The following ADAMTS15 variants were observed in gnomAD, a reference collection of about 807,000 sequenced individuals.
The protein encoded by ADAMTS15 is ADAM metallopeptidase with thrombospondin type 1 motif 15.
A neutral mutation model predicts 79.1 loss-of-function variants in ADAMTS15; 35 were observed. The ratio of observed to expected loss-of-function variants is 0.44; its 90% CI spans 0.34 to 0.59. The LOEUF is 0.59. Ranked by LOEUF, ADAMTS15 falls within the 20% of genes least tolerant of loss-of-function variation. ADAMTS15 has a pLI of 0.02. For missense variants in ADAMTS15, 1,324 were observed against 1,318.7 expected, an observed-to-expected ratio of 1.00 and a Z score of -0.06; for synonymous variants, 616 against 567.3, an observed-to-expected ratio of 1.09 and a Z score of -1.22.
intron 5 of ADAMTS15, among the ~76,000 whole-genome samples, chr11:130,470,151 T>TATACAC (rs1565397596): frequency 3.7e-4 from 21 of 56,320 alleles, no homozygotes; most frequent in African/African-American, 1.1e-3. Context: ...TATATATATA[T>TATACAC]GTGTATATAT....
chr11:130,463,762 GT>G (rs1938250432), intron 4 of ADAMTS15, among the ~76,000 whole-genome samples: 1 of 152,174 alleles, frequency 6.6e-6, no homozygotes, highest in Non-Finnish European at 1.5e-5. Context: ...AGATACTGTG[GT>G]GGTCAGAAAA....
At chr11:130,452,176 C>T (rs1330272795) in intron 1 of ADAMTS15, among the ~76,000 whole-genome samples, 1 of 152,166 alleles carries the variant, frequency 6.6e-6, no homozygotes. Context: ...GGAGTAGCTG[C>T]CCTTTCTAAG....
chr11:130,471,003 G>T lies in ADAMTS15; in HGVS notation c.1804G>T (p.Ala602Ser). Residue 602 changes from alanine to serine, a missense_variant, in exon 6 of 8, where the codon GCA (alanine) becomes TCA (serine). Physicochemically the swap from Ala to Ser is moderately conservative, Grantham distance 99. Coordinates refer to ENST00000299164, the MANE Select transcript of ADAMTS15 (RefSeq NM_139055.4). ...HSTNRLTLAV[A>S]WVPKYSGVSP... Reference sequence around the variant, plus strand: ...CACCAACCGGCTCACTCTCGCCGTGGCATGGGTGCCCAAGTACTCCGGCGT... The same window carrying T: ...CACCAACCGGCTCACTCTCGCCGTGTCATGGGTGCCCAAGTACTCCGGCGT... The T allele has an allele frequency of 6.2e-7, 1 of 1,613,844 alleles. No individual in the cohort carries two copies. The highest frequency in any genetic ancestry group is 8.5e-7 in the Non-Finnish European group (1 of 1,180,040).
In ADAMTS15 at chr11:130,471,237, C is replaced by G. The variant is rs1361467571; in HGVS notation, c.1932C>G (p.Asp644Glu). 1.2e-6 allele frequency: 2 copies of G among 1,608,256 alleles called. No homozygotes were observed. The highest frequency in any genetic ancestry group is 1.7e-5 in the Admixed American group (1 of 58,454). The change falls in exon 7 of 8, where the codon GAC becomes GAG. Residue 644 changes from aspartate (D) to glutamate (E), a missense_variant. Coordinates refer to ENST00000299164, the MANE Select transcript of ADAMTS15 (RefSeq NM_139055.4). ...KVVDGTLCSP[D>E]STSVCVQGKC... ...TGGACGGCACGCTGTGCTCTCCTGA[C>G]TCCACCTCCGTCTGTGTCCAAGGCA... is the stretch of plus-strand genomic sequence containing the variant.
At position 130,449,206 on chromosome 11, in the gene ADAMTS15, C is replaced by G; in HGVS notation, c.233C>G (p.Ala78Gly). The change falls in exon 1 of 8, where the codon GCC (alanine) becomes GGC (glycine). Residue 78 changes from alanine (A) to glycine (G), a missense_variant. Coordinates refer to ENST00000299164, the MANE Select transcript of ADAMTS15 (RefSeq NM_139055.4). This position sits in a 1 kb window ranked among gnomAD's most constrained non-coding sequence, Gnocchi z 7.8. ...CCGGATGCTCAGTTCTTGGCTCCCG[C>G]CTTCTCCACTGAGCATCTGGGCGTC... Reference protein sequence around the residue: ...LTPDAQFLAPAFSTEHLGVPL... With the variant: ...LTPDAQFLAPGFSTEHLGVPL... 1 of 1,614,060 alleles carries G rather than the reference C, an allele frequency of 6.2e-7. No individual in the cohort carries two copies. The highest frequency in any genetic ancestry group is 1.6e-4 in the Middle Eastern group (1 of 6,062).
In ADAMTS15 at chr11:130,449,012, G is replaced by T; in HGVS notation, c.39G>T (p.Gly13=). 6.6e-7 allele frequency: 1 copy of T among 1,510,580 alleles called. No homozygotes were observed. The highest frequency in any genetic ancestry group is 8.9e-7 in the Non-Finnish European group (1 of 1,129,832). 93.6% of individuals were successfully genotyped at this position (1,510,580 alleles called of 1,614,324 possible). ...LLGILTLAFA[G]RTAGGSEPER... is the part of the protein sequence containing the mutation. ...GCATCCTAACCCTGGCTTTCGCCGG[G>T]CGAACCGCTGGAGGCTCTGAGCCAG... Residue 13 remains glycine, a synonymous_variant, in exon 1 of 8, where the codon GGG becomes GGT. Transcript: ENST00000299164. This position sits in a 1 kb window ranked among gnomAD's most constrained non-coding sequence, Gnocchi z 7.8.
intron 4 of ADAMTS15, 80 bp from the exon 5 acceptor site, chr11:130,469,182 A>G (rs1938370195): frequency 8.0e-7 from 1 of 1,244,622 alleles, no homozygotes; most frequent in Non-Finnish European, 1.0e-6. Flanking sequence ...TGGAGGCTGT[A>G]CAGTGTAGTT....
At position 130,473,041 on chromosome 11, in the gene ADAMTS15, C is replaced by A; in HGVS notation, c.2079-6C>A. The stretch of plus-strand genomic sequence containing the variant: ...TCTGATGCACGGCCCCCCTTTCCCC[C>A]GCCAGGCATGGCTACAATTTCGTGG... On this transcript the variant is annotated splice_region_variant and splice_polypyrimidine_tract_variant and intron_variant, in intron 7 of 7. Coordinates refer to ENST00000299164, the MANE Select transcript of ADAMTS15 (RefSeq NM_139055.4). 2 of 1,612,140 alleles carry A rather than the reference C, an allele frequency of 1.2e-6. No homozygotes were observed. The highest frequency in any genetic ancestry group is 1.7e-6 in the Non-Finnish European group (2 of 1,178,612).
chr11:130,468,172 C>T (rs1938342496), intron 4 of ADAMTS15, among the ~76,000 whole-genome samples: 1 of 152,182 alleles, frequency 6.6e-6, no homozygotes, highest in South Asian at 2.1e-4. Flanking sequence ...CAGCGTGGTG[C>T]TGGGAATTTT....
At chr11:130,456,072 C>T (rs1938072290) in intron 1 of ADAMTS15, among the ~76,000 whole-genome samples, 1 of 152,162 alleles carries the variant, frequency 6.6e-6, no homozygotes, top group South Asian at 2.1e-4. Context: ...CTTGGGCTTA[C>T]TGTGTGACCC....
chr11:130,461,703 C>T, intron 2 of ADAMTS15, 82 bp downstream of exon 2: 1 of 1,574,590 alleles, frequency 6.4e-7, no homozygotes, highest in Non-Finnish European at 8.6e-7. Context: ...TCTTTGCCCC[C>T]TTGTGTTCTG....
rs1221500740 is a variant in ADAMTS15, at chr11:130,475,402, G to T, written c.*1581G>T. 1 of 152,242 alleles carries T rather than the reference G, an allele frequency of 6.6e-6. No individual in the cohort carries two copies. Among genetic ancestry groups the T allele is most frequent in the Non-Finnish European group, 1.5e-5 (1 of 68,062 alleles). 9.4% of individuals were successfully genotyped at this position (152,242 alleles called of 1,614,324 possible). A position where few individuals can be genotyped will look rare whatever the true frequency, so the allele number is the denominator to read the frequency against. Reference sequence around the variant, plus strand: ...TGGCTAAGCAGGGTGTTTCTTGAAGGTTCAGATGCCCCACTGTGTACATGG... The same window carrying T: ...TGGCTAAGCAGGGTGTTTCTTGAAGTTTCAGATGCCCCACTGTGTACATGG... On this transcript the variant is annotated 3_prime_UTR_variant, in exon 8 of 8. Transcript: ENST00000299164.
intron 4 of ADAMTS15, among the ~76,000 whole-genome samples, chr11:130,464,565 A>G (rs1232237239): frequency 6.6e-6 from 1 of 152,150 alleles, no homozygotes; most frequent in East Asian, 1.9e-4. Context: ...CCTACAATCT[A>G]TTGCTACAAC....
chr11:130,473,287 G>A lies in ADAMTS15; in HGVS notation c.2319G>A (p.Arg773=). The A allele has an allele frequency of 5.0e-6, 8 of 1,613,158 alleles. No homozygotes were observed. The highest frequency in any genetic ancestry group is 6.8e-6 in the Non-Finnish European group (8 of 1,179,980). ...CGGTGGAGAGCCTGCAGGCTTCCCG[G>A]CCCATCCTGGAGCCGCTGACCGTGG... The part of the protein sequence containing the change: ...GTAVESLQAS[R]PILEPLTVEV... Residue 773 remains arginine (R), a synonymous_variant, in exon 8 of 8, where the codon CGG becomes CGA. Coordinates refer to ENST00000299164, the MANE Select transcript of ADAMTS15 (RefSeq NM_139055.4).
In ADAMTS15 at chr11:130,449,657, G is replaced by C. The variant is rs764302268; in HGVS notation, c.684G>C (p.Glu228Asp). 6.3e-7 allele frequency: 1 copy of C among 1,590,550 alleles called. No homozygotes were observed. ...TGGAGACGCTGGTGGTCGCGGACGA[G>C]TCAATGGTCAAGTTCCACGGCGCGG... The part of the protein sequence containing the change: ...RYVETLVVAD[E>D]SMVKFHGADL... Residue 228 changes from glutamate (E) to aspartate (D), a missense_variant, in exon 1 of 8, where the codon GAG becomes GAC. Physicochemically the swap from Glu to Asp is conservative, Grantham distance 45. Coordinates refer to ENST00000299164, the MANE Select transcript of ADAMTS15 (RefSeq NM_139055.4). The surrounding 1 kb of genome is among the most constrained non-coding windows in gnomAD (Gnocchi z 7.8).
rs1938593992 is a variant in ADAMTS15, at chr11:130,476,625, G to C, written c.*2804G>C. ...GTGACCACAGCCTTCTCCTAATAAAGCTGTAAGTATTTAAAACCTGTGTCC... is the reference window on the plus strand; with the variant it reads ...GTGACCACAGCCTTCTCCTAATAAACCTGTAAGTATTTAAAACCTGTGTCC... On this transcript the variant is annotated 3_prime_UTR_variant, in exon 8 of 8. Coordinates refer to ENST00000299164, the MANE Select transcript of ADAMTS15 (RefSeq NM_139055.4). The C allele has an allele frequency of 6.6e-6, 1 of 152,216 alleles. No homozygotes were observed. The highest frequency in any genetic ancestry group is 1.5e-5 in the Non-Finnish European group (1 of 68,092). The allele number at this position is 152,216 out of a possible 1,614,324, so 9.4% of individuals were successfully genotyped here.
rs770337842 is a variant in ADAMTS15, at chr11:130,449,447, G to A, written c.474G>A (p.Gln158=). 7 of 1,583,912 alleles carry A rather than the reference G, an allele frequency of 4.4e-6. No homozygotes were observed. The highest frequency in any genetic ancestry group is 6.0e-6 in the Non-Finnish European group (7 of 1,168,712). Reference sequence around the variant, plus strand: ...ACAGCCAGGGCGCACACCTTCTCCAGCGCCGGGGTGTTCCGGGCGGGCCTT... The same window carrying A: ...ACAGCCAGGGCGCACACCTTCTCCAACGCCGGGGTGTTCCGGGCGGGCCTT... ...QRNSQGAHLL[Q]RRGVPGGPSG... The change falls in exon 1 of 8, where the codon CAG becomes CAA. Residue 158 remains glutamine, a synonymous_variant. Transcript: ENST00000299164. This position sits in a 1 kb window ranked among gnomAD's most constrained non-coding sequence, Gnocchi z 7.8.
chr11:130,473,100 T>A lies in ADAMTS15; in HGVS notation c.2132T>A (p.Ile711Asn). ...CCCGCAGGCGCCTCAAGCATCGACA[T>A]CCGCCAGCGCGGTTACAAAGGGCTG... is the stretch of plus-strand genomic sequence containing the variant. ...AIPAGASSID[I>N]RQRGYKGLIG... Residue 711 changes from isoleucine (I) to asparagine (N), a missense_variant, in exon 8 of 8, where the codon ATC (isoleucine) becomes AAC (asparagine). By Grantham distance (149) the Ile-to-Asn change is moderately radical. Coordinates refer to ENST00000299164, the MANE Select transcript of ADAMTS15 (RefSeq NM_139055.4). 6.2e-7 allele frequency: 1 copy of A among 1,613,966 alleles called. No individual in the cohort carries two copies. The highest frequency in any genetic ancestry group is 8.5e-7 in the Non-Finnish European group (1 of 1,180,032).
Position 130,448,832 on chromosome 11 carries a change from C to G in ADAMTS15, c.-142C>G. 2 of 591,558 alleles carry G rather than the reference C, an allele frequency of 3.4e-6. No homozygotes were observed. Among genetic ancestry groups the G allele is most frequent in the Non-Finnish European group, 5.1e-6 (2 of 392,102 alleles). 36.6% of individuals were successfully genotyped at this position (591,558 alleles called of 1,614,324 possible). A position where few individuals can be genotyped will look rare whatever the true frequency, so the allele number is the denominator to read the frequency against. On this transcript the variant is annotated 5_prime_UTR_variant, in exon 1 of 8. Transcript: ENST00000299164. Reference sequence around the variant, plus strand: ...TCGCCGCCCTGGGAGGAGTCTCCCTCCCTTGGCTCTCCTTTCTGGGAACTG... The same window carrying G: ...TCGCCGCCCTGGGAGGAGTCTCCCTGCCTTGGCTCTCCTTTCTGGGAACTG...
Sources: gnomAD v4.1 joint callset for allele counts (sites outside exome capture counted in the v4.1 genomes callset) on GRCh38, gnomAD v4.1.1 for gene constraint, Gnocchi (gnomAD v3.1) non-coding constraint, MANE v1.5 for transcripts, NCBI Gene and HGNC (gene_info 2026-07-23, HGNC 2026-07-21) for gene names.